The following MAL2 variants were observed in gnomAD, a reference collection of about 807,000 sequenced individuals.
The protein encoded by MAL2 is protein MAL2.
In MAL2, 17 loss-of-function variants were observed where a neutral mutation model predicts 18.1. The observed-to-expected ratio is 0.94, with a 90% CI of 0.64 to 1.41. MAL2 has a LOEUF of 1.41. MAL2 is among the 40% of genes most tolerant of loss of function. MAL2 has a pLI of 0.00. For synonymous variants in MAL2, 102 were observed against 102.3 expected, an observed-to-expected ratio of 1.00 and a Z score of 0.02; for missense variants, 222 against 231.9, an observed-to-expected ratio of 0.96 and a Z score of 0.28.
chr8:119,208,430 A>T lies in MAL2; in HGVS notation c.-43A>T. ...CAGGAGCCCGGGAGGCGGAGGCGGG[A>T]GGCGGCGGCGGCGCGCGGAGACGCA... On this transcript the variant is annotated 5_prime_UTR_variant, in exon 1 of 4. Coordinates refer to ENST00000614891, the MANE Select transcript of MAL2 (RefSeq NM_052886.3). This position sits in a 1 kb window ranked among gnomAD's most constrained non-coding sequence, Gnocchi z 4.3. The T allele has an allele frequency of 9.2e-7, 1 of 1,088,196 alleles. No individual in the cohort carries two copies. Among genetic ancestry groups the T allele is most frequent in the South Asian group, 4.4e-5 (1 of 22,666 alleles). The allele number at this position is 1,088,196 out of a possible 1,614,324, so 67.4% of individuals were successfully genotyped here. A position where few individuals can be genotyped will look rare whatever the true frequency, so the allele number is the denominator to read the frequency against.
At chr8:119,211,062 C>T (rs1817261018) in intron 1 of MAL2, among the ~76,000 whole-genome samples, 1 of 152,192 alleles carries the variant, frequency 6.6e-6, no homozygotes, top group South Asian at 2.1e-4. Context: ...CTTGTTACCC[C>T]TCCATTTAGA....
At chr8:119,209,866 G>A (rs1221495454) in intron 1 of MAL2, among the ~76,000 whole-genome samples, 1 of 152,212 alleles carries the variant, frequency 6.6e-6, no homozygotes, top group Non-Finnish European at 1.5e-5. Flanking sequence ...AGAAGCATCT[G>A]AGTGCTTGGG....
intron 3 of MAL2, among the ~76,000 whole-genome samples, chr8:119,241,641 A>G (rs370067869): frequency 2.0e-5 from 3 of 152,152 alleles, no homozygotes; most frequent in African/African-American, 7.2e-5. Flanking sequence ...TTCAAGACCT[A>G]TTGTAAGTTT....
chr8:119,238,135 A>G (rs1371976136), intron 2 of MAL2, among the ~76,000 whole-genome samples: 1 of 152,248 alleles, frequency 6.6e-6, no homozygotes, highest in African/African-American at 2.4e-5. Context: ...ATTCTTATAT[A>G]CCAATAACAT....
intron 1 of MAL2, among the ~76,000 whole-genome samples, chr8:119,218,453 C>A (rs1179961818): frequency 1.3e-5 from 2 of 152,088 alleles, no homozygotes; most frequent in Non-Finnish European, 2.9e-5. Flanking sequence ...AGCCTGCCTC[C>A]CCTGCCTACC....
chr8:119,212,021 T>G (rs949268888), intron 1 of MAL2, among the ~76,000 whole-genome samples: 1 of 152,196 alleles, frequency 6.6e-6, no homozygotes, highest in African/African-American at 2.4e-5. Flanking sequence ...CAGAAAGACC[T>G]ATAACCTAGT....
At chr8:119,230,928 C>A (rs1487950069) in intron 2 of MAL2, among the ~76,000 whole-genome samples, 1 of 152,180 alleles carries the variant, frequency 6.6e-6, no homozygotes, top group Non-Finnish European at 1.5e-5. Context: ...AATCAGTTTA[C>A]AAATGAGAGT....
chr8:119,236,917 G>A (rs978089828), intron 2 of MAL2, among the ~76,000 whole-genome samples: 1,862 of 149,250 alleles, frequency 0.012, 39 homozygotes, highest in African/African-American at 0.045. Context: ...TCAAAAGCTA[G>A]CAGAAGGCAA....
intron 1 of MAL2, among the ~76,000 whole-genome samples, chr8:119,218,781 C>G (rs1817407097): frequency 1.3e-5 from 2 of 152,204 alleles, no homozygotes; most frequent in African/African-American, 4.8e-5. Context: ...ATCATCATCC[C>G]TAACTCATTA....
intron 1 of MAL2, among the ~76,000 whole-genome samples, chr8:119,216,282 A>T (rs1334748771): frequency 6.6e-6 from 1 of 152,198 alleles, no homozygotes; most frequent in African/African-American, 2.4e-5. Context: ...TTTAGAATGA[A>T]CACTAAACCA....
At chr8:119,219,867 A>T (rs1817435104) in intron 1 of MAL2, among the ~76,000 whole-genome samples, 1 of 152,144 alleles carries the variant, frequency 6.6e-6, no homozygotes, top group Admixed American at 6.5e-5. Flanking sequence ...GCAGGGGTGG[A>T]TCTCAGGAAA....
intron 2 of MAL2, among the ~76,000 whole-genome samples, chr8:119,227,042 G>C (rs927996413): frequency 6.6e-6 from 1 of 152,322 alleles, no homozygotes; most frequent in Non-Finnish European, 1.5e-5. Context: ...GTTGGGAATA[G>C]TTACTGAGTA....
intron 2 of MAL2, among the ~76,000 whole-genome samples, chr8:119,229,333 GAC>G (rs1341251779): frequency 7.9e-6 from 1 of 127,024 alleles, no homozygotes; most frequent in Non-Finnish European, 1.6e-5. Context: ...TTTTTTTTGA[GAC>G]AGAGTCTTGC....
intron 3 of MAL2, among the ~76,000 whole-genome samples, chr8:119,241,788 G>C (rs529995819): frequency 6.6e-6 from 1 of 151,630 alleles, no homozygotes; most frequent in Non-Finnish European, 1.5e-5. Flanking sequence ...TTTAACACTT[G>C]CTTATAAAAG....
chr8:119,208,841 A>T lies in MAL2; in HGVS notation c.132+237A>T, dbSNP rs1459430072. 2.0e-6 allele frequency: 1 copy of T among 491,542 alleles called. No individual in the cohort carries two copies. Among genetic ancestry groups the T allele is most frequent in the South Asian group, 1.0e-4 (1 of 9,730 alleles). The allele number at this position is 491,542 out of a possible 1,614,324, so 30.4% of individuals were successfully genotyped here. On this transcript the variant is annotated intron_variant, in intron 1 of 3. Transcript: ENST00000614891. This position sits in a 1 kb window ranked among gnomAD's most constrained non-coding sequence, Gnocchi z 4.3. Reference sequence around the variant, plus strand: ...CGCGGGCGACGGAAATTGCCTGGGGAGGGCGAGTAGGCGGCCCGGCAGGGC... The same window carrying T: ...CGCGGGCGACGGAAATTGCCTGGGGTGGGCGAGTAGGCGGCCCGGCAGGGC...
chr8:119,223,900 A>G (rs1380326183), intron 2 of MAL2: 1 of 152,040 alleles, frequency 6.6e-6, no homozygotes, highest in Admixed American at 6.6e-5. Context: ...AAAACTTTTT[A>G]GCCATGTATA....
rs184970853 is a variant in MAL2, at chr8:119,229,563, C to T, written c.303+7806C>T. 9.9e-3 allele frequency among the ~76,000 whole-genome samples: 1,513 copies of T among 152,204 alleles called. 23 individuals carry two copies. Among genetic ancestry groups the T allele is most frequent in the African/African-American group, 0.034 (1,392 of 41,508 alleles). On this transcript the variant is annotated intron_variant, in intron 2 of 3. Coordinates refer to ENST00000614891, the MANE Select transcript of MAL2 (RefSeq NM_052886.3). ...CCTGACCTCAAGTGATCCACCACAT[C>T]GGCCTCCCAAAGTGCTGGGATTACA...
rs1363075569 is a variant in MAL2, at chr8:119,229,706, GCCAACT to G, written c.303+7951_303+7956del. Among the ~76,000 whole-genome samples the G allele has an allele frequency of 2.0e-5, 3 of 152,178 alleles. No individual in the cohort carries two copies. The East Asian group carries it at 5.8e-4, about 29-fold the overall frequency. On this transcript the variant is annotated intron_variant, in intron 2 of 3. Transcript: ENST00000614891. ...TAGTCCCTAACCACTGTCTTTCAAA[GCCAACT>G]CTGAATGTGGCTATAATGCACATAC... is the stretch of plus-strand genomic sequence containing the variant.
At chr8:119,227,465 G>A (rs1377032701) in intron 2 of MAL2, among the ~76,000 whole-genome samples, 3 of 152,184 alleles carry the variant, frequency 2.0e-5, no homozygotes, top group Non-Finnish European at 4.4e-5. Context: ...TGTCCTTTGA[G>A]AGTTTTGTGT....
Sources: allele counts gnomAD v4.1 joint callset (sites outside exome capture counted in the v4.1 genomes callset), GRCh38; gene constraint gnomAD v4.1.1; non-coding constraint Gnocchi (gnomAD v3.1); transcripts MANE v1.5; gene names NCBI Gene and HGNC (gene_info 2026-07-23, HGNC 2026-07-21).